Variants in ITGA4 observed in about 807,000 individuals in gnomAD.
ITGA4 encodes integrin subunit alpha 4, also known as integrin alpha-4.
In ITGA4, 63 loss-of-function variants were observed where a neutral mutation model predicts 133.6. That is an observed-to-expected ratio of 0.47 (90% CI 0.38 to 0.58). The LOEUF is 0.58. ITGA4 is among the 20% of genes least tolerant of loss of function. ITGA4 has a pLI of 0.00. For synonymous variants in ITGA4, 483 were observed against 438.0 expected (o/e 1.10, Z -1.28); for missense variants, 1,076 against 1,252.7 (o/e 0.86, Z 2.13).
In ITGA4 at chr2:181,461,172, G is replaced by A. The variant is rs79694123; in HGVS notation, c.319+2855G>A. Among the ~76,000 whole-genome samples the A allele has an allele frequency of 2.9e-3, 423 of 148,212 alleles. 2 individuals carry two copies. The highest frequency in any genetic ancestry group is 5.1e-3 in the Non-Finnish European group (341 of 67,258). Reference sequence around the variant, plus strand: ...AAGGTGTCCCATATGGTATATTCATGCCATAAGCAGAAGTGAGCCTGCCTG... The same window carrying A: ...AAGGTGTCCCATATGGTATATTCATACCATAAGCAGAAGTGAGCCTGCCTG... On this transcript the variant is annotated intron_variant, in intron 2 of 27. Transcript: ENST00000397033.
chr2:181,514,260 T>A (rs772342455), intron 17 of ITGA4, among the ~76,000 whole-genome samples: 1 of 151,870 alleles, frequency 6.6e-6, no homozygotes, highest in Non-Finnish European at 1.5e-5. Flanking sequence ...ATGGAAAAAA[T>A]TCAAAATAGA....
chr2:181,507,417 AGAT>A (rs1686415674), intron 15 of ITGA4, among the ~76,000 whole-genome samples: 1 of 152,098 alleles, frequency 6.6e-6, no homozygotes, highest in African/African-American at 2.4e-5. Flanking sequence ...TTACCCTTTT[AGAT>A]AAGGAGAAGT....
chr2:181,500,943 A>G (rs144760415), intron 15 of ITGA4, among the ~76,000 whole-genome samples: 2,001 of 152,298 alleles, frequency 0.013, 45 homozygotes, highest in African/African-American at 0.045. Context: ...AAAGGAGGGC[A>G]GAGTACAGAA....
At chr2:181,458,493 C>T (rs900216338) in intron 2 of ITGA4, 176 bp downstream of exon 2, 10 of 673,652 alleles carry the variant, frequency 1.5e-5, no homozygotes, top group East Asian at 1.1e-4. Context: ...GATTCCCTTT[C>T]TGTTAATATC....
chr2:181,524,664 G>C (rs564241055), intron 20 of ITGA4, among the ~76,000 whole-genome samples: 3 of 151,916 alleles, frequency 2.0e-5, no homozygotes, highest in Non-Finnish European at 1.5e-5. Context: ...CAGAATAAAC[G>C]TCAAGATGGA....
At chr2:181,505,611 T>C (rs919196800) in intron 15 of ITGA4, among the ~76,000 whole-genome samples, 1 of 152,152 alleles carries the variant, frequency 6.6e-6, no homozygotes, top group Middle Eastern at 3.2e-3. Context: ...ATTTTTGATA[T>C]TACAGCTTTT....
intron 4 of ITGA4, chr2:181,476,013 A>G (rs946786066): frequency 9.3e-7 from 1 of 1,074,278 alleles, no homozygotes; most frequent in African/African-American, 1.6e-5. Flanking sequence ...TCAGCACGCA[A>G]AGAAAAATTT....
Position 181,509,667 on chromosome 2 carries a change from C to G in ITGA4, c.1705C>G (p.Arg569Gly), listed in dbSNP as rs201476802. 2 of 1,582,276 alleles carry G rather than the reference C, an allele frequency of 1.3e-6. No individual in the cohort carries two copies. The highest frequency in any genetic ancestry group is 2.4e-5 in the South Asian group (2 of 84,088). Reference sequence around the variant, plus strand: ...TGGTTATTTTCCTTAGAAAGATGTGCGGGACATCCTCACCCCAATTCAGAT... The same window carrying G: ...TGGTTATTTTCCTTAGAAAGATGTGGGGGACATCCTCACCCCAATTCAGAT... ...THQAFMRKDVRDILTPIQIEA... is the reference protein window; with the variant it reads ...THQAFMRKDVGDILTPIQIEA... The change falls in exon 16 of 28, where the codon CGG becomes GGG. Residue 569 changes from arginine (R) to glycine (G), a missense_variant. By Grantham distance (125) the Arg-to-Gly change is moderately radical. Transcript: ENST00000397033.
chr2:181,533,337 C>A (rs1346457781), intron 25 of ITGA4, among the ~76,000 whole-genome samples: 1 of 152,194 alleles, frequency 6.6e-6, no homozygotes, highest in Non-Finnish European at 1.5e-5. Flanking sequence ...GAAGAAATAT[C>A]CATTTTAGTT....
intron 25 of ITGA4, among the ~76,000 whole-genome samples, chr2:181,533,050 A>G: frequency 6.7e-6 from 1 of 148,210 alleles, no homozygotes; most frequent in East Asian, 2.0e-4. Context: ...AACAACAAAA[A>G]CATATTTAAA....
intron 10 of ITGA4, among the ~76,000 whole-genome samples, chr2:181,488,648 T>A (rs1685974145): frequency 6.6e-6 from 1 of 151,850 alleles, no homozygotes; most frequent in South Asian, 2.1e-4. Context: ...AAGCTCTGAC[T>A]CCCGGGTTCA....
rs574336267 is a variant in ITGA4, at chr2:181,502,596, A to G, written c.1695+3819A>G. On this transcript the variant is annotated intron_variant, in intron 15 of 27. Transcript: ENST00000397033. ...GGGTAGATGTGGTGATGGGGACTGT[A>G]GAAGTTCTTGTCTGATTGCTTTAAT... Among the ~76,000 whole-genome samples the G allele has an allele frequency of 1.3e-5, 2 of 152,212 alleles. 1 individual carries two copies. Among genetic ancestry groups the G allele is most frequent in the South Asian group, 4.1e-4 (2 of 4,826 alleles).
intron 2 of ITGA4, among the ~76,000 whole-genome samples, chr2:181,467,134 G>A (rs1685438562): frequency 6.6e-6 from 1 of 151,958 alleles, no homozygotes; most frequent in Non-Finnish European, 1.5e-5. Context: ...TTGGAACAAG[G>A]GTCATTCATG....
Position 181,537,837 on chromosome 2 carries a change from T to TG in ITGA4, c.*2310_*2311insG. 1 of 488,770 alleles carries TG rather than the reference T, an allele frequency of 2.0e-6. No homozygotes were observed. Among genetic ancestry groups the TG allele is most frequent in the Non-Finnish European group, 4.0e-6 (1 of 249,920 alleles). The allele number at this position is 488,770 out of a possible 1,614,324, so 30.3% of individuals were successfully genotyped here. ...AGAGGCTAATTGTTAGTAACATCAATTTCTATTAGGATATCCGTTTGGCCA... is the reference window on the plus strand; with the variant it reads ...AGAGGCTAATTGTTAGTAACATCAATGTTCTATTAGGATATCCGTTTGGCCA... On this transcript the variant is annotated 3_prime_UTR_variant, in exon 28 of 28. Transcript: ENST00000397033.
At chr2:181,524,065 T>C in intron 19 of ITGA4, 106 bp from the exon 20 acceptor site, 1 of 706,556 alleles carries the variant, frequency 1.4e-6, no homozygotes, top group Non-Finnish European at 2.4e-6. Context: ...TTACAATGGT[T>C]CAATTCTACA....
chr2:181,522,386 A>C (rs201085134), intron 18 of ITGA4, 45 bp downstream of exon 18: 5 of 1,383,464 alleles, frequency 3.6e-6, no homozygotes, highest in Non-Finnish European at 4.9e-6. Flanking sequence ...TTGGTATTTT[A>C]CTTAATTTTT....
At chr2:181,490,483 TCGTGTG>T (rs776326526) in intron 10 of ITGA4, among the ~76,000 whole-genome samples, 7 of 90,478 alleles carry the variant, frequency 7.7e-5, no homozygotes, top group African/African-American at 3.0e-4. Context: ...TGAATAGTAT[TCGTGTG>T]TGTGTGTGTG....
intron 15 of ITGA4, among the ~76,000 whole-genome samples, chr2:181,508,356 AAATT>A (rs1559051035): frequency 6.6e-6 from 1 of 152,134 alleles, no homozygotes; most frequent in Non-Finnish European, 1.5e-5. Context: ...ACTGGTAAAT[AAATT>A]CAAGAGTTCT....
At chr2:181,524,434 A>G in intron 20 of ITGA4, 184 bp downstream of exon 20, 1 of 493,676 alleles carries the variant, frequency 2.0e-6, no homozygotes, top group Non-Finnish European at 3.5e-6. Context: ...TTAGCTCTTG[A>G]GCTATGTTAA....
Sources: gnomAD v4.1 joint callset for allele counts (sites outside exome capture counted in the v4.1 genomes callset) on GRCh38, gnomAD v4.1.1 for gene constraint, MANE v1.5 for transcripts, NCBI Gene and HGNC (gene_info 2026-07-23, HGNC 2026-07-21) for gene names.